AFDN: variants seen among roughly 807,000 people sequenced by gnomAD.
AFDN encodes afadin, adherens junction formation factor.
Under a neutral mutation model 216.6 loss-of-function variants are expected in AFDN, and 68 were observed. That is an observed-to-expected ratio of 0.31 (90% CI 0.26 to 0.38). AFDN has a LOEUF of 0.38. Ranked by LOEUF, AFDN falls within the 10% of genes least tolerant of loss-of-function variation. The pLI, the probability that AFDN is intolerant of heterozygous loss-of-function variation, is 1.00. For synonymous variants in AFDN, 868 were observed against 853.7 expected (o/e 1.02, Z -0.29); for missense variants, 2,136 against 2,342.0 (o/e 0.91, Z 1.82).
At chr6:167,961,229 T>C (rs563805288) in intron 30 of AFDN, among the ~76,000 whole-genome samples, 68 of 152,354 alleles carry the variant, frequency 4.5e-4, no homozygotes, top group African/African-American at 1.5e-3. Context: ...TTGAACTAGA[T>C]GGCTTTAAGT....
chr6:167,925,685 C>T (rs78038802), intron 23 of AFDN, among the ~76,000 whole-genome samples: 1 of 152,252 alleles, frequency 6.6e-6, no homozygotes, highest in East Asian at 1.9e-4. Flanking sequence ...CCTTCACCTG[C>T]TAGTTTTGGC....
Position 167,957,963 on chromosome 6 carries a change from G to A in AFDN, c.4834-4470G>A, listed in dbSNP as rs561542836. On this transcript the variant is annotated intron_variant, in intron 30 of 33. Transcript: ENST00000683244. ...ATTGACCCAGTATCACACAGAGCAC[G>A]TGAGAGCCAGGGTCCCCAAACCCAC... Among the ~76,000 whole-genome samples, 23 of 152,330 alleles carry A rather than the reference G, an allele frequency of 1.5e-4. No homozygotes were observed. The South Asian group carries it at 4.6e-3, about 30-fold the overall frequency.
intron 26 of AFDN, among the ~76,000 whole-genome samples, chr6:167,946,324 CAT>C (rs1478050096): frequency 2.6e-5 from 4 of 152,224 alleles, no homozygotes; most frequent in African/African-American, 9.6e-5. Context: ...GCTCACGTCA[CAT>C]GACGGCTGCT....
chr6:167,944,045 C>T lies in AFDN; in HGVS notation c.3344C>T (p.Pro1115Leu). ...GLATLLNQPS[P>L]MMQRISDRRG... Reference sequence around the variant, plus strand: ...GCCACCCTTCTCAATCAGCCATCCCCCATGATGCAGAGAAGTAAGGACCAG... The same window carrying T: ...GCCACCCTTCTCAATCAGCCATCCCTCATGATGCAGAGAAGTAAGGACCAG... The change falls in exon 26 of 34, where the codon CCC becomes CTC. Residue 1115 changes from proline to leucine, a missense_variant. Transcript: ENST00000683244. 6.2e-7 allele frequency: 1 copy of T among 1,613,778 alleles called. No individual in the cohort carries two copies. The highest frequency in any genetic ancestry group is 8.5e-7 in the Non-Finnish European group (1 of 1,179,702).
intron 30 of AFDN, among the ~76,000 whole-genome samples, chr6:167,956,114 CAAAAAAA>C (rs59521151): frequency 1.1e-3 from 47 of 41,296 alleles, no homozygotes; most frequent in East Asian, 2.4e-3. Flanking sequence ...GACTTTGGCT[CAAAAAAA>C]AAAAAAAAAA....
intron 6 of AFDN, among the ~76,000 whole-genome samples, chr6:167,886,900 A>G (rs1435993696): frequency 6.6e-6 from 1 of 151,972 alleles, no homozygotes; most frequent in Non-Finnish European, 1.5e-5. Context: ...CTGTAATCCC[A>G]GCTACTCGGG....
chr6:167,909,125 TG>T (rs1370641099), intron 13 of AFDN, among the ~76,000 whole-genome samples: 10 of 152,148 alleles, frequency 6.6e-5, no homozygotes, highest in African/African-American at 2.2e-4. Flanking sequence ...TCTGTAAATA[TG>T]GGAATGTAAG....
At chr6:167,880,297 T>A in intron 5 of AFDN, 63 bp from the exon 6 acceptor site, 1 of 1,487,038 alleles carries the variant, frequency 6.7e-7, no homozygotes, top group Admixed American at 1.8e-5. Flanking sequence ...ACTGTAAATG[T>A]TAGCTATCTC....
At chr6:167,911,760 T>C (rs182619989) in intron 15 of AFDN, 7 of 428,756 alleles carry the variant, frequency 1.6e-5, no homozygotes, top group South Asian at 1.6e-4. Context: ...TTGTGGGCTT[T>C]TGTAGAATTT....
upstream of AFDN, chr6:167,826,632 A>G (rs1779076172): frequency 2.0e-6 from 1 of 502,518 alleles, no homozygotes; most frequent in African/African-American, 1.9e-5. Context: ...ATTTAGATCC[A>G]GCAGCGCGCG....
intron 1 of AFDN, among the ~76,000 whole-genome samples, chr6:167,850,825 A>G (rs1782211294): frequency 6.6e-6 from 1 of 152,216 alleles, no homozygotes; most frequent in Non-Finnish European, 1.5e-5. Context: ...GATCAGTTAT[A>G]TCACTGGAAA....
chr6:167,883,078 A>G (rs1425954914), intron 6 of AFDN, among the ~76,000 whole-genome samples: 2 of 152,106 alleles, frequency 1.3e-5, no homozygotes, highest in Non-Finnish European at 1.5e-5. Context: ...AAAGTGCTGG[A>G]GGACATTGTC....
At chr6:167,828,944 A>G (rs556198793) in intron 1 of AFDN, among the ~76,000 whole-genome samples, 3 of 152,236 alleles carry the variant, frequency 2.0e-5, no homozygotes, top group Admixed American at 2.0e-4. Flanking sequence ...TAAGCACTCA[A>G]TTGAAACTTT....
intron 31 of AFDN, chr6:167,963,687 A>G: frequency 7.5e-6 from 8 of 1,060,672 alleles, no homozygotes; most frequent in Non-Finnish European, 9.1e-6. Flanking sequence ...TCATCATATT[A>G]TCTGTTGAAT....
At chr6:167,907,494 G>A (rs943439817) in intron 13 of AFDN, among the ~76,000 whole-genome samples, 2 of 152,170 alleles carry the variant, frequency 1.3e-5, no homozygotes, top group Non-Finnish European at 2.9e-5. Context: ...ATGCCACAGT[G>A]TTATCAGATT....
intron 12 of AFDN, among the ~76,000 whole-genome samples, chr6:167,903,178 C>T (rs556292157): frequency 6.6e-6 from 1 of 152,298 alleles, no homozygotes; most frequent in African/African-American, 2.4e-5. Flanking sequence ...GGATAACAAA[C>T]CACTCCAAAA....
chr6:167,930,284 A>G (rs183697468), intron 23 of AFDN, among the ~76,000 whole-genome samples: 1 of 152,326 alleles, frequency 6.6e-6, no homozygotes, highest in East Asian at 1.9e-4. Context: ...GACGCTCATG[A>G]AAGTTTTTTT....
chr6:167,952,481 A>G, intron 30 of AFDN: 1 of 985,462 alleles, frequency 1.0e-6, no homozygotes, highest in Non-Finnish European at 1.2e-6. Context: ...CTTCCAGTTG[A>G]GAAAACAAGT....
chr6:167,913,301 C>G, intron 15 of AFDN, 102 bp from the exon 16 acceptor site: 1 of 1,115,146 alleles, frequency 9.0e-7, no homozygotes, highest in Non-Finnish European at 1.3e-6. Flanking sequence ...ACCTTCATGT[C>G]GTACCTTCAT....
Sources: allele counts gnomAD v4.1 joint callset (sites outside exome capture counted in the v4.1 genomes callset), GRCh38; gene constraint gnomAD v4.1.1; transcripts MANE v1.5; gene names NCBI Gene and HGNC (gene_info 2026-07-23, HGNC 2026-07-21).